CASZ1: variants seen among roughly 807,000 people sequenced by gnomAD.
CASZ1 encodes the protein castor zinc finger 1.
A neutral mutation model predicts 135.2 loss-of-function variants in CASZ1; 28 were observed. That is an observed-to-expected ratio of 0.21 (90% CI 0.15 to 0.28). The LOEUF is 0.28. CASZ1 is among the 10% of genes least tolerant of loss of function. CASZ1 has a pLI of 1.00. For missense variants in CASZ1, 2,161 were observed against 2,453.3 expected (o/e 0.88, Z 2.52); for synonymous variants, 1,068 against 1,073.4 (o/e 0.99, Z 0.10).
intron 11 of CASZ1, 191 bp downstream of exon 11, chr1:10,653,186 C>T: frequency 1.5e-6 from 1 of 656,908 alleles, no homozygotes. Context: ...CTGTGGGGAG[C>T]CAGAACCAGG....
chr1:10,646,354 C>A lies in CASZ1; in HGVS notation c.3498-28G>T. The stretch of plus-strand genomic sequence containing the variant: ...GGAAGGAAACCACAGCCCAGAAGGT[C>A]ATTGCCATTCTCAAGCCCTCCCTGC... On this transcript the variant is annotated intron_variant, in intron 16 of 20. Coordinates refer to ENST00000377022, the MANE Select transcript of CASZ1 (RefSeq NM_001079843.3). The surrounding 1 kb of genome is among the most constrained non-coding windows in gnomAD (Gnocchi z 6.4). 1 of 1,610,540 alleles carries A rather than the reference C, an allele frequency of 6.2e-7. No individual in the cohort carries two copies. The highest frequency in any genetic ancestry group is 1.1e-5 in the South Asian group (1 of 90,636).
At chr1:10,685,509 C>G (rs1411952764) in intron 4 of CASZ1, among the ~76,000 whole-genome samples, 2 of 152,256 alleles carry the variant, frequency 1.3e-5, no homozygotes, top group African/African-American at 4.8e-5. Flanking sequence ...CTCCCTCTCT[C>G]TCTCATCAGA....
intron 5 of CASZ1, among the ~76,000 whole-genome samples, chr1:10,662,986 C>A (rs1643098961): frequency 6.6e-6 from 1 of 152,260 alleles, no homozygotes; most frequent in East Asian, 1.9e-4. Flanking sequence ...CACACCTGCC[C>A]CTTCACTGCC....
chr1:10,787,952 T>C (rs1640888645), intron 1 of CASZ1, among the ~76,000 whole-genome samples: 1 of 152,208 alleles, frequency 6.6e-6, no homozygotes, highest in Admixed American at 6.5e-5. Flanking sequence ...AAATGTTTTT[T>C]TTTAAAACTA....
rs780619593 is a variant in CASZ1, at chr1:10,665,382, G to A, written c.206C>T (p.Pro69Leu). The A allele has an allele frequency of 7.4e-6, 12 of 1,612,300 alleles. No individual in the cohort carries two copies. The East Asian group carries it at 2.5e-4, about 33-fold the overall frequency. Reference protein sequence around the residue: ...SQPRDQERSGPESGAARAPRS... With the variant: ...SQPRDQERSGLESGAARAPRS... The stretch of plus-strand genomic sequence containing the variant: ...GGGGGCCCGGGCTGCCCCAGACTCA[G>A]GGCCACTGCGCTCTTGGTCCCGGGG... Residue 69 changes from proline (P) to leucine (L), a missense_variant, in exon 5 of 21, where the codon CCT becomes CTT. Physicochemically the swap from Pro to Leu is moderately conservative, Grantham distance 98 (BLOSUM62 -3). This residue lies in a region of CASZ1 where 590 missense variants were observed against 609.8 expected (regional missense o/e 0.97). Transcript: ENST00000377022.
rs1468194963 is a variant in CASZ1 at position 10,741,110 on chromosome 1, A to C, written c.-77+19591T>G. On this transcript the variant is annotated intron_variant, in intron 2 of 20. Transcript: ENST00000377022. This position sits in a 1 kb window ranked among gnomAD's most constrained non-coding sequence, Gnocchi z 5.0. ...TGGGTTCAAGTGATTCTCCTGCCTC[A>C]GCCTCCCAAGCTGGGATTAGAGGCA... is the stretch of plus-strand genomic sequence containing the variant. Among the ~76,000 whole-genome samples the C allele has an allele frequency of 6.6e-6, 1 of 151,834 alleles. No homozygotes were observed. Among genetic ancestry groups the C allele is most frequent in the African/African-American group, 2.4e-5 (1 of 41,330 alleles).
intron 2 of CASZ1, among the ~76,000 whole-genome samples, chr1:10,718,962 A>G (rs1348937430): frequency 6.6e-6 from 1 of 152,010 alleles, no homozygotes; most frequent in Non-Finnish European, 1.5e-5. Flanking sequence ...TAAAGCCATC[A>G]AATTCCTTGG....
rs1362750716 is a variant in CASZ1 at position 10,776,707 on chromosome 1, G to A, written c.-233-15850C>T. On this transcript the variant is annotated intron_variant, in intron 1 of 20. Transcript: ENST00000377022. This position sits in a 1 kb window ranked among gnomAD's most constrained non-coding sequence, Gnocchi z 4.1. Reference sequence around the variant, plus strand: ...GTTGTGGGAGAGGGTTGGCTGCATGGCACAGCTGCGGACTCCAGACGGTGG... The same window carrying A: ...GTTGTGGGAGAGGGTTGGCTGCATGACACAGCTGCGGACTCCAGACGGTGG... 6.6e-6 allele frequency among the ~76,000 whole-genome samples: 1 copy of A among 152,178 alleles called. No individual in the cohort carries two copies. Among genetic ancestry groups the A allele is most frequent in the African/African-American group, 2.4e-5 (1 of 41,442 alleles).
At position 10,666,102 on chromosome 1, in the gene CASZ1, C is replaced by T. The variant is rs1010380824; in HGVS notation, c.17-531G>A. 3.3e-5 allele frequency among the ~76,000 whole-genome samples: 5 copies of T among 151,698 alleles called. No individual in the cohort carries two copies. The highest frequency in any genetic ancestry group is 3.3e-4 in the Admixed American group (5 of 15,274). On this transcript the variant is annotated intron_variant, in intron 4 of 20. Coordinates refer to ENST00000377022, the MANE Select transcript of CASZ1 (RefSeq NM_001079843.3). This position sits in a 1 kb window ranked among gnomAD's most constrained non-coding sequence, Gnocchi z 5.2. ...GAGCCAGGGACCAGCTTGTGCCAGC[C>T]TCTTGCCTCACTGTCCCGGCAGCAC...
chr1:10,708,497 C>T (rs928193757), intron 2 of CASZ1, among the ~76,000 whole-genome samples: 2 of 152,196 alleles, frequency 1.3e-5, no homozygotes, highest in Non-Finnish European at 2.9e-5. Context: ...AGTTGGCAAA[C>T]GTGAGCCCTT....
rs1371592237 is a variant in CASZ1 at position 10,660,182 on chromosome 1, G to A, written c.860C>T (p.Thr287Ile). 6.2e-7 allele frequency: 1 copy of A among 1,613,548 alleles called. No individual in the cohort carries two copies. The highest frequency in any genetic ancestry group is 8.5e-7 in the Non-Finnish European group (1 of 1,179,946). The part of the protein sequence containing the change: ...RLPSSTAHLE[T>I]KATILPLPSH... Reference sequence around the variant, plus strand: ...CGGCAGGGGCAGGATGGTGGCCTTGGTCTCCAGGTGGGCCGTGCTGCTGGG... The same window carrying A: ...CGGCAGGGGCAGGATGGTGGCCTTGATCTCCAGGTGGGCCGTGCTGCTGGG... Residue 287 changes from threonine (T) to isoleucine (I), a missense_variant, in exon 6 of 21, where the codon ACC (threonine) becomes ATC (isoleucine). By Grantham distance (89) the Thr-to-Ile change is moderately conservative (BLOSUM62 -1). Coordinates refer to ENST00000377022, the MANE Select transcript of CASZ1 (RefSeq NM_001079843.3).
chr1:10,684,893 G>A (rs1638538084), intron 4 of CASZ1, among the ~76,000 whole-genome samples: 1 of 152,182 alleles, frequency 6.6e-6, no homozygotes, highest in Non-Finnish European at 1.5e-5. Flanking sequence ...TGAGAGGGAC[G>A]CTGAGCACAC....
At chr1:10,785,448 C>A (rs1199439642) in intron 1 of CASZ1, among the ~76,000 whole-genome samples, 1 of 152,184 alleles carries the variant, frequency 6.6e-6, no homozygotes, top group African/African-American at 2.4e-5. Flanking sequence ...TTTGGCATAG[C>A]ACAGTGAAAT....
rs942084954 is a variant in CASZ1 at position 10,646,906 on chromosome 1, C to A, written c.3498-580G>T. Among the ~76,000 whole-genome samples the A allele has an allele frequency of 6.6e-6, 1 of 152,172 alleles. No homozygotes were observed. The highest frequency in any genetic ancestry group is 1.9e-4 in the East Asian group (1 of 5,182). On this transcript the variant is annotated intron_variant, in intron 16 of 20. Transcript: ENST00000377022. The surrounding 1 kb of genome is among the most constrained non-coding windows in gnomAD (Gnocchi z 6.4). ...CACCCACTCAGACCTCACTTGCCGG[C>A]GGAGTGGGAGAGCTGCTGGGGCAGA...
At chr1:10,687,592 G>T (rs627175) in intron 4 of CASZ1, among the ~76,000 whole-genome samples, 3,138 of 152,342 alleles carry the variant, frequency 0.021, 64 homozygotes, top group African/African-American at 0.042. Flanking sequence ...TTGTCTAGCT[G>T]GAGGGATCCC....
At position 10,762,908 on chromosome 1, in the gene CASZ1, G is replaced by A. The variant is rs1570571336; in HGVS notation, c.-233-2051C>T. Among the ~76,000 whole-genome samples the A allele has an allele frequency of 6.6e-6, 1 of 152,226 alleles. No individual in the cohort carries two copies. Among genetic ancestry groups the A allele is most frequent in the Admixed American group, 6.5e-5 (1 of 15,284 alleles). On this transcript the variant is annotated intron_variant, in intron 1 of 20. Transcript: ENST00000377022. This position sits in a 1 kb window ranked among gnomAD's most constrained non-coding sequence, Gnocchi z 4.1. ...AGGGGGCTCCAGGCCCTGGTGGGAC[G>A]CTCGTTGGGCTTCTTCCAGCGGAAA...
chr1:10,684,418 C>T (rs1043839733), intron 4 of CASZ1, among the ~76,000 whole-genome samples: 1 of 152,154 alleles, frequency 6.6e-6, no homozygotes, highest in African/African-American at 2.4e-5. Context: ...TGGAACGCAG[C>T]GGCCTGGAAG....
intron 1 of CASZ1, among the ~76,000 whole-genome samples, chr1:10,789,061 C>T (rs965469495): frequency 2.6e-5 from 4 of 152,176 alleles, no homozygotes; most frequent in Non-Finnish European, 4.4e-5. Context: ...ACCCTACCCC[C>T]ACCTGGGCCT....
At chr1:10,656,811 G>T in intron 7 of CASZ1, 75 bp from the exon 8 acceptor site, 1 of 989,902 alleles carries the variant, frequency 1.0e-6, no homozygotes, top group Non-Finnish European at 1.5e-6. Context: ...CCCAGCCCCA[G>T]GGAGGACTCT....
Sources: allele counts gnomAD v4.1 joint callset (sites outside exome capture counted in the v4.1 genomes callset), GRCh38; gene constraint gnomAD v4.1.1; regional missense constraint gnomAD v4.1.1; non-coding constraint Gnocchi (gnomAD v3.1); transcripts MANE v1.5; gene names NCBI Gene and HGNC (gene_info 2026-07-23, HGNC 2026-07-21).